RPSA2: variants seen among roughly 807,000 people sequenced by gnomAD.
The protein encoded by RPSA2 is small ribosomal subunit protein uS2B.
At chr19:23,769,819 A>G in the RPSA2 span, among the ~76,000 whole-genome samples, 4 of 152,138 alleles carry the variant, frequency 2.6e-5, no homozygotes, top group African/African-American at 9.7e-5. Context: ...ACCTGCACAC[A>G]TTGTGTGTTG....
the RPSA2 span, among the ~76,000 whole-genome samples, chr19:23,868,626 A>G: frequency 6.6e-6 from 1 of 152,244 alleles, no homozygotes; most frequent in Non-Finnish European, 1.5e-5. Flanking sequence ...GCAGAAAGAC[A>G]TTGGCAAGTG....
the RPSA2 span, among the ~76,000 whole-genome samples, chr19:23,766,022 T>C: frequency 2.0e-5 from 3 of 152,128 alleles, no homozygotes; most frequent in Non-Finnish European, 4.4e-5. Flanking sequence ...TGATCAATTC[T>C]GCCACTAACA....
chr19:23,793,853 C>A, the RPSA2 span, among the ~76,000 whole-genome samples: 1 of 152,062 alleles, frequency 6.6e-6, no homozygotes, highest in Non-Finnish European at 1.5e-5. Context: ...TGTGAGCCAT[C>A]CCGCCAGGCC....
chr19:23,793,393 T>A, the RPSA2 span, among the ~76,000 whole-genome samples: 2 of 151,532 alleles, frequency 1.3e-5, no homozygotes, highest in African/African-American at 4.8e-5. Context: ...TGAGTTTTGC[T>A]CTTGTTTTAT....
At chr19:23,856,909 G>A in the RPSA2 span, among the ~76,000 whole-genome samples, 12 of 152,092 alleles carry the variant, frequency 7.9e-5, no homozygotes, top group African/African-American at 1.9e-4. Context: ...TATGTTCAGC[G>A]GTGCACGTAT....
the RPSA2 span, among the ~76,000 whole-genome samples, chr19:23,823,171 A>G: frequency 6.6e-6 from 1 of 152,174 alleles, no homozygotes. Context: ...GGTCAACTTA[A>G]TTCCATAGTC....
chr19:23,850,441 G>T, the RPSA2 span, among the ~76,000 whole-genome samples: 1 of 73,972 alleles, frequency 1.4e-5, no homozygotes, highest in Non-Finnish European at 2.9e-5. Flanking sequence ...AGTTAGAGGG[G>T]TCTCCATTGC....
At chr19:23,808,862 C>A in the RPSA2 span, 5 of 490,296 alleles carry the variant, frequency 1.0e-5, no homozygotes, top group Non-Finnish European at 1.8e-5. Context: ...AGGCCCAAAT[C>A]AAGAAGAAAG....
At chr19:23,855,557 G>GA in the RPSA2 span, among the ~76,000 whole-genome samples, 1 of 152,198 alleles carries the variant, frequency 6.6e-6, no homozygotes, top group Non-Finnish European at 1.5e-5. Context: ...GCGTTGGGTG[G>GA]AAGTTTCAAG....
the RPSA2 span, among the ~76,000 whole-genome samples, chr19:23,825,130 C>A: frequency 6.6e-6 from 1 of 152,044 alleles, no homozygotes; most frequent in South Asian, 2.1e-4. Flanking sequence ...CAGGTGCCCG[C>A]CACCACGCCC....
the RPSA2 span, among the ~76,000 whole-genome samples, chr19:23,842,883 C>T: frequency 6.6e-6 from 1 of 151,980 alleles, no homozygotes; most frequent in Non-Finnish European, 1.5e-5. Flanking sequence ...TAATCTGTAT[C>T]CTTCACTCTA....
At chr19:23,854,361 C>A in the RPSA2 span, among the ~76,000 whole-genome samples, 9 of 152,162 alleles carry the variant, frequency 5.9e-5, no homozygotes, top group Non-Finnish European at 1.3e-4. Flanking sequence ...ACTGCTCCAC[C>A]CCCCTACTGT....
the RPSA2 span, among the ~76,000 whole-genome samples, chr19:23,855,345 C>A: frequency 5.9e-5 from 9 of 152,124 alleles, no homozygotes; most frequent in African/African-American, 2.2e-4. Flanking sequence ...AGCAGAATGA[C>A]CTCAGTACAA....
At chr19:23,767,275 C>T in the RPSA2 span, among the ~76,000 whole-genome samples, 1 of 152,016 alleles carries the variant, frequency 6.6e-6, no homozygotes, top group African/African-American at 2.4e-5. Flanking sequence ...TACGGGGTTT[C>T]ATTATGTTTG....
the RPSA2 span, among the ~76,000 whole-genome samples, chr19:23,857,282 A>G: frequency 6.6e-6 from 1 of 152,188 alleles, no homozygotes; most frequent in African/African-American, 2.4e-5. Flanking sequence ...TCAGCTTATG[A>G]AGATAACATG....
At chr19:23,854,629 A>G in the RPSA2 span, among the ~76,000 whole-genome samples, 1 of 152,186 alleles carries the variant, frequency 6.6e-6, no homozygotes, top group Non-Finnish European at 1.5e-5. Context: ...CTTTATGGCA[A>G]TGTGGGCAAA....
At chr19:23,768,507 G>A in the RPSA2 span, among the ~76,000 whole-genome samples, 1 of 126,120 alleles carries the variant, frequency 7.9e-6, no homozygotes, top group Non-Finnish European at 1.7e-5. Context: ...ACATATGGTT[G>A]TTTATTAAAT....
At chr19:23,854,868 C>T in the RPSA2 span, among the ~76,000 whole-genome samples, 9 of 152,222 alleles carry the variant, frequency 5.9e-5, no homozygotes, top group African/African-American at 2.2e-4. Flanking sequence ...GCAGGCAACA[C>T]CTTGTGATCA....
At chr19:23,841,357 G>A in the RPSA2 span, among the ~76,000 whole-genome samples, 132 of 152,144 alleles carry the variant, frequency 8.7e-4, 1 homozygote, top group South Asian at 8.3e-3. Context: ...CCAGCTACTC[G>A]GGAGGCTAAG....
Sources: allele counts gnomAD v4.1 joint callset (sites outside exome capture counted in the v4.1 genomes callset), GRCh38; gene constraint gnomAD v4.1.1; transcripts MANE v1.5; gene names NCBI Gene and HGNC (gene_info 2026-07-23, HGNC 2026-07-21).